The following C12orf42 variants were observed in gnomAD, a reference collection of about 807,000 sequenced individuals.
C12orf42 encodes the protein uncharacterized protein C12orf42.
Under a neutral mutation model 21.6 loss-of-function variants are expected in C12orf42, and 25 were observed. That is an observed-to-expected ratio of 1.16 (90% CI 0.84 to 1.62). The LOEUF is 1.62. Among genes scored for constraint, C12orf42 ranks in the 40% most tolerant of loss-of-function variants. C12orf42 has a pLI of 0.00. For missense variants in C12orf42, 483 were observed against 459.3 expected (o/e 1.05, Z -0.47); for synonymous variants, 174 against 175.0 (o/e 0.99, Z 0.05).
At chr12:103,140,985 C>A in the C12orf42 span, among the ~76,000 whole-genome samples, 5 of 152,148 alleles carry the variant, frequency 3.3e-5, no homozygotes, top group African/African-American at 1.2e-4. Flanking sequence ...TTTTGCAGAC[C>A]TGGGAAAAGC....
chr12:103,444,225 T>A (rs1267289622), intron 2 of C12orf42, among the ~76,000 whole-genome samples: 1 of 152,146 alleles, frequency 6.6e-6, no homozygotes, highest in Admixed American at 6.5e-5. Flanking sequence ...TTATACTATT[T>A]GTTGTTTCTA....
intron 4 of C12orf42, among the ~76,000 whole-genome samples, chr12:103,294,622 A>AAGAAAG (rs1300605410): frequency 5.7e-5 from 8 of 139,588 alleles, no homozygotes; most frequent in African/African-American, 2.4e-4. Flanking sequence ...GAAAGAAAGA[A>AAGAAAG]AGAAAGAAAG....
At chr12:103,074,183 A>C in the C12orf42 span, among the ~76,000 whole-genome samples, 1 of 152,074 alleles carries the variant, frequency 6.6e-6, no homozygotes, top group Non-Finnish European at 1.5e-5. Flanking sequence ...AGACCCAAAG[A>C]AATGATCCAG....
At chr12:103,216,530 C>T in the C12orf42 span, among the ~76,000 whole-genome samples, 38 of 152,034 alleles carry the variant, frequency 2.5e-4, no homozygotes, top group East Asian at 2.5e-3. Flanking sequence ...CCTGCCACCA[C>T]GCCTGGCTAA....
chr12:103,405,181 G>A (rs749219449), intron 2 of C12orf42, among the ~76,000 whole-genome samples: 2 of 152,256 alleles, frequency 1.3e-5, no homozygotes, highest in Non-Finnish European at 2.9e-5. Flanking sequence ...AAGATACAAA[G>A]GCGAGATCCA....
chr12:103,384,009 T>TG (rs1263206650), intron 3 of C12orf42, among the ~76,000 whole-genome samples: 1 of 152,132 alleles, frequency 6.6e-6, no homozygotes, highest in Non-Finnish European at 1.5e-5. Context: ...CCCAGAGCAG[T>TG]GGTTACAGGG....
At chr12:103,216,818 T>C in the C12orf42 span, among the ~76,000 whole-genome samples, 1 of 151,970 alleles carries the variant, frequency 6.6e-6, no homozygotes, top group Non-Finnish European at 1.5e-5. Context: ...AAGTCCTCCA[T>C]TGTAAGCCAA....
chr12:103,370,795 T>C (rs894203507), intron 3 of C12orf42, among the ~76,000 whole-genome samples: 1 of 152,108 alleles, frequency 6.6e-6, no homozygotes, highest in Non-Finnish European at 1.5e-5. Context: ...GCTTATTACC[T>C]GGTGAGGAAG....
chr12:103,495,808 G>T (rs767700371), intron 1 of C12orf42, 94 bp downstream of exon 1: 7 of 152,126 alleles, frequency 4.6e-5, no homozygotes, highest in Non-Finnish European at 8.8e-5. Flanking sequence ...CTCTTCTCAC[G>T]GGCGCGGCTG....
chr12:103,421,304 G>C (rs750044633), intron 2 of C12orf42, among the ~76,000 whole-genome samples: 4 of 152,128 alleles, frequency 2.6e-5, no homozygotes, highest in Admixed American at 6.5e-5. Flanking sequence ...GGGTGCAGTG[G>C]CTCACACTTG....
chr12:103,370,550 TA>T (rs1371936989), intron 3 of C12orf42, among the ~76,000 whole-genome samples: 1 of 151,996 alleles, frequency 6.6e-6, no homozygotes, highest in Non-Finnish European at 1.5e-5. Context: ...TATGCAGCCA[TA>T]AAAAAGAATG....
chr12:103,458,854 T>G (rs767713095), intron 2 of C12orf42, among the ~76,000 whole-genome samples: 1 of 151,952 alleles, frequency 6.6e-6, no homozygotes, highest in Non-Finnish European at 1.5e-5. Flanking sequence ...GGAGAATTTG[T>G]CCCATTTTAC....
At chr12:103,118,772 TAAAAAAAAAAAAAAAAAA>T in the C12orf42 span, among the ~76,000 whole-genome samples, 52 of 41,662 alleles carry the variant, frequency 1.2e-3, no homozygotes, top group African/African-American at 4.7e-3. Flanking sequence ...CACTCCAGCC[TAAAAAAAAAAAAAAAAAA>T]AAAAAAAAAA....
chr12:103,552,456 T>C, the C12orf42 span, among the ~76,000 whole-genome samples: 1 of 152,338 alleles, frequency 6.6e-6, no homozygotes, highest in South Asian at 2.1e-4. Context: ...CCATAGTTGA[T>C]AGGAACAAAA....
chr12:103,392,363 T>C (rs1365948735), intron 3 of C12orf42, among the ~76,000 whole-genome samples: 1 of 152,196 alleles, frequency 6.6e-6, no homozygotes, highest in East Asian at 1.9e-4. Context: ...ATAATTTAAA[T>C]AAAAATCTCC....
chr12:103,562,421 C>G, the C12orf42 span, among the ~76,000 whole-genome samples: 1 of 152,202 alleles, frequency 6.6e-6, no homozygotes, highest in African/African-American at 2.4e-5. Context: ...GTCTTCACAG[C>G]AACACTTTGC....
chr12:103,543,553 C>A, the C12orf42 span, among the ~76,000 whole-genome samples: 1 of 151,710 alleles, frequency 6.6e-6, no homozygotes, highest in Non-Finnish European at 1.5e-5. Flanking sequence ...TTTGAGGCTG[C>A]AGTGAGCCAT....
At chr12:103,251,930 G>T (rs148447646) in intron 10 of C12orf42, among the ~76,000 whole-genome samples, 6 of 152,198 alleles carry the variant, frequency 3.9e-5, no homozygotes, top group African/African-American at 1.4e-4. Context: ...TTACTTGGGG[G>T]CAGGAGGTAT....
the C12orf42 span, among the ~76,000 whole-genome samples, chr12:103,054,233 T>A: frequency 3.3e-5 from 5 of 151,858 alleles, no homozygotes; most frequent in Admixed American, 2.0e-4. Context: ...GTATATAGTT[T>A]ATTTAGATTT....
Sources: allele counts gnomAD v4.1 joint callset (sites outside exome capture counted in the v4.1 genomes callset), GRCh38; gene constraint gnomAD v4.1.1; transcripts MANE v1.5; gene names NCBI Gene and HGNC (gene_info 2026-07-23, HGNC 2026-07-21).